The following RIMS2 variants were observed in gnomAD, a reference collection of about 807,000 sequenced individuals.
The protein encoded by RIMS2 is regulating synaptic membrane exocytosis protein 2.
A neutral mutation model predicts 174.4 loss-of-function variants in RIMS2; 59 were observed. That is an observed-to-expected ratio of 0.34 (90% CI 0.27 to 0.42). The LOEUF is 0.42. RIMS2 is among the 10% of genes least tolerant of loss of function. RIMS2 has a pLI of 1.00. For missense variants in RIMS2, 1,620 were observed against 1,666.3 expected (o/e 0.97, Z 0.48); for synonymous variants, 606 against 572.5 (o/e 1.06, Z -0.84).
rs188489630 is a variant in RIMS2 at position 103,823,781 on chromosome 8, C to T, written c.698+57244C>T. 3.1e-4 allele frequency among the ~76,000 whole-genome samples: 47 copies of T among 151,826 alleles called. No homozygotes were observed. The East Asian group carries it at 8.5e-3, about 28-fold the overall frequency. On this transcript the variant is annotated intron_variant, in intron 3 of 23. Transcript: ENST00000504942. ...AACAGCATGCTTACTTTTCATAGTT[C>T]TCAGGGTGCAATCTACACAGTGTGC...
At chr8:103,554,372 TG>T (rs1849474859) in intron 1 of RIMS2, among the ~76,000 whole-genome samples, 1 of 152,056 alleles carries the variant, frequency 6.6e-6, no homozygotes, top group South Asian at 2.1e-4. Context: ...CATTAAAAAG[TG>T]GGCAAAGGAC....
At chr8:103,706,361 G>A (rs1032679905) in intron 2 of RIMS2, among the ~76,000 whole-genome samples, 1 of 152,002 alleles carries the variant, frequency 6.6e-6, no homozygotes, top group Non-Finnish European at 1.5e-5. Flanking sequence ...AGTGTAGTCT[G>A]AATTTGTCTG....
At chr8:104,236,914 A>G (rs1009909987) in intron 19 of RIMS2, among the ~76,000 whole-genome samples, 1 of 152,274 alleles carries the variant, frequency 6.6e-6, no homozygotes, top group Non-Finnish European at 1.5e-5. Context: ...GTTAATTGCC[A>G]CAAATTTACC....
chr8:103,971,415 T>G (rs920554046), intron 15 of RIMS2, among the ~76,000 whole-genome samples: 8 of 152,172 alleles, frequency 5.3e-5, no homozygotes, highest in Non-Finnish European at 1.0e-4. Flanking sequence ...TCTTTATAAA[T>G]GACTTTCAAA....
Position 104,204,225 on chromosome 8 carries a change from A to C in RIMS2, c.3335-40691A>C, listed in dbSNP as rs111758306. ...GTACAGTATTCTACATTGTGAACCT[A>C]TCTATATATGCAATGTTAGAGGAGA... On this transcript the variant is annotated intron_variant, in intron 19 of 23. Coordinates refer to ENST00000504942, the Ensembl canonical transcript of RIMS2. 4.2e-3 allele frequency among the ~76,000 whole-genome samples: 643 copies of C among 152,314 alleles called. 3 individuals are homozygous for C. The highest frequency in any genetic ancestry group is 0.014 in the African/African-American group (600 of 41,560).
At position 104,065,527 on chromosome 8, in the gene RIMS2, C is replaced by G. The variant is rs565748220; in HGVS notation, c.3334+50912C>G. 5.3e-5 allele frequency among the ~76,000 whole-genome samples: 8 copies of G among 152,168 alleles called. No homozygotes were observed. In the South Asian group the frequency reaches 1.2e-3, roughly 24 times the overall value. ...CTTTATCTATAGGAGACTTTTCTCTCTAAGGTTATTATTCTACATGGAGTG... is the reference window on the plus strand; with the variant it reads ...CTTTATCTATAGGAGACTTTTCTCTGTAAGGTTATTATTCTACATGGAGTG... On this transcript the variant is annotated intron_variant, in intron 19 of 23. Transcript: ENST00000504942.
At chr8:103,816,511 G>A (rs923799220) in intron 3 of RIMS2, among the ~76,000 whole-genome samples, 13 of 152,140 alleles carry the variant, frequency 8.5e-5, no homozygotes, top group African/African-American at 3.1e-4. Context: ...TAAATATATG[G>A]TCACATATAT....
At chr8:103,998,836 A>G (rs1483655243) in intron 17 of RIMS2, among the ~76,000 whole-genome samples, 1 of 151,778 alleles carries the variant, frequency 6.6e-6, no homozygotes, top group Non-Finnish European at 1.5e-5. Flanking sequence ...CAAAGTGGGA[A>G]TTTGCAGTGA....
chr8:103,822,602 T>C (rs1479309253), intron 3 of RIMS2, among the ~76,000 whole-genome samples: 2 of 151,914 alleles, frequency 1.3e-5, no homozygotes, highest in Non-Finnish European at 3.0e-5. Context: ...TAGCTTATTC[T>C]CTTATTGTAT....
chr8:103,717,132 T>C (rs1439677843), intron 2 of RIMS2, among the ~76,000 whole-genome samples: 2 of 138,620 alleles, frequency 1.4e-5, no homozygotes, highest in Admixed American at 1.6e-4. Context: ...TTCTAAATAG[T>C]GCCTTCTTTT....
At chr8:103,511,411 A>C (rs1826378430) in intron 1 of RIMS2, among the ~76,000 whole-genome samples, 1 of 152,248 alleles carries the variant, frequency 6.6e-6, no homozygotes, top group Non-Finnish European at 1.5e-5. Context: ...AGTATGAATA[A>C]GTAAATATTT....
intron 15 of RIMS2, among the ~76,000 whole-genome samples, chr8:103,973,434 TTGAAAAC>T (rs1442561852): frequency 6.6e-5 from 10 of 152,120 alleles, no homozygotes; most frequent in Non-Finnish European, 1.3e-4. Context: ...CCATGCAGCT[TTGAAAAC>T]TGAAGAGTAA....
chr8:104,148,943 G>C, intron 19 of RIMS2, 95 bp downstream of exon 25: 1 of 1,246,250 alleles, frequency 8.0e-7, no homozygotes, highest in South Asian at 1.4e-5. Context: ...GTAATGTGTG[G>C]ATGATGACAT....
chr8:103,793,234 C>T (rs147638431), intron 3 of RIMS2, among the ~76,000 whole-genome samples: 4,742 of 152,138 alleles, frequency 0.031, 225 homozygotes, highest in African/African-American at 0.11. Flanking sequence ...TTATCCACTA[C>T]GATCAAGTGG....
chr8:103,623,516 G>A lies in RIMS2; in HGVS notation c.177-73570G>A, dbSNP rs1269377030. ...TTTTTTTTTTTTGAGACGGAGTCTC[G>A]CTCTGTCGCCCAGGCTGGAGTGCAG... On this transcript the variant is annotated intron_variant, in intron 1 of 23. Transcript: ENST00000504942. Among the ~76,000 whole-genome samples, 10 of 109,610 alleles carry A rather than the reference G, an allele frequency of 9.1e-5. No individual in the cohort carries two copies. In the East Asian group the frequency reaches 1.7e-3, roughly 19 times the overall value. 71.9% of individuals were successfully genotyped at this position (109,610 alleles called of 152,430 possible).
chr8:103,605,521 A>G (rs1202599796), intron 1 of RIMS2, among the ~76,000 whole-genome samples: 2 of 151,302 alleles, frequency 1.3e-5, no homozygotes, highest in African/African-American at 4.9e-5. Context: ...TCATAAAAAG[A>G]GTTAGGGAGG....
intron 1 of RIMS2, among the ~76,000 whole-genome samples, chr8:103,503,302 T>C (rs2130821302): frequency 6.6e-6 from 1 of 152,038 alleles, no homozygotes; most frequent in African/African-American, 2.4e-5. Context: ...TTAATTTTTT[T>C]TTAACGAAAG....
intron 3 of RIMS2, among the ~76,000 whole-genome samples, chr8:103,850,088 T>C (rs950191893): frequency 3.9e-5 from 6 of 152,046 alleles, no homozygotes; most frequent in African/African-American, 1.4e-4. Context: ...AATTTGCCAG[T>C]ATCTTATTTA....
At chr8:103,836,109 T>A (rs1047796647) in intron 3 of RIMS2, among the ~76,000 whole-genome samples, 5 of 152,124 alleles carry the variant, frequency 3.3e-5, no homozygotes, top group African/African-American at 1.2e-4. Flanking sequence ...TAAAGGAAAT[T>A]TGATTTAGGG....
Sources: gnomAD v4.1 joint callset for allele counts (sites outside exome capture counted in the v4.1 genomes callset) on GRCh38, gnomAD v4.1.1 for gene constraint, MANE v1.5 for transcripts, NCBI Gene and HGNC (gene_info 2026-07-23, HGNC 2026-07-21) for gene names.